PCGF6: variants seen among roughly 807,000 people sequenced by gnomAD.
The protein encoded by PCGF6 is polycomb group RING finger protein 6.
PCGF6 carries 24 observed loss-of-function variants against 45.5 expected under a neutral mutation model. That is an observed-to-expected ratio of 0.53 (90% confidence interval 0.38 to 0.74). PCGF6 has a LOEUF of 0.74. Ranked by LOEUF, PCGF6 falls within the 30% of genes least tolerant of loss-of-function variation. The pLI is 0.00. For missense variants in PCGF6, 356 were observed against 443.2 expected (o/e 0.80, Z 1.77); for synonymous variants, 152 against 162.1 (o/e 0.94, Z 0.47).
Position 103,350,804 on chromosome 10 carries a change from TCTTC to T in PCGF6, c.259_262del (p.Glu87ArgfsTer14), listed in dbSNP as rs1203704083. 1.3e-6 allele frequency: 2 copies of T among 1,553,960 alleles called. No individual in the cohort carries two copies. Among genetic ancestry groups the T allele is most frequent in the Non-Finnish European group, 1.7e-6 (2 of 1,149,236 alleles). On this transcript the variant is annotated frameshift_variant, in exon 1 of 10. Transcript: ENST00000369847. LOFTEE classifies it high-confidence loss of function. ...CTCCTCTTCTTCCTCCTCCAGCTCC[TCTTC>T]TTCTTCCAACTCCTCGTCCTCGTCC...
At chr10:103,345,206 A>G in intron 5 of PCGF6, 74 bp from the exon 6 acceptor site, 1 of 1,017,766 alleles carries the variant, frequency 9.8e-7, no homozygotes, top group Non-Finnish European at 1.5e-6. Context: ...AAAAATACAC[A>G]AGTATTATAA....
chr10:103,318,435 T>G (rs1175297155), intron 8 of PCGF6, among the ~76,000 whole-genome samples: 1 of 126,298 alleles, frequency 7.9e-6, no homozygotes, highest in African/African-American at 3.1e-5. Context: ...AGAGGGAGAC[T>G]CCATCTCAAA....
chr10:103,304,098 A>G (rs1032223921), intron 9 of PCGF6, 137 bp from the exon 10 acceptor site: 38 of 668,708 alleles, frequency 5.7e-5, no homozygotes, highest in Middle Eastern at 5.5e-4. Context: ...AAATAAGTGG[A>G]CCATATAGTT....
chr10:103,324,820 C>CTCTTTTAA (rs1234112362), intron 8 of PCGF6, among the ~76,000 whole-genome samples: 2 of 139,548 alleles, frequency 1.4e-5, no homozygotes, highest in Non-Finnish European at 3.1e-5. Flanking sequence ...AACAGGAGAT[C>CTCTTTTAA]TCTTTTAATC....
At chr10:103,350,110 A>C (rs1213622685) in intron 1 of PCGF6, among the ~76,000 whole-genome samples, 1 of 150,350 alleles carries the variant, frequency 6.7e-6, no homozygotes, top group Non-Finnish European at 1.5e-5. Flanking sequence ...AAACAAAACA[A>C]AAGGATCTTT....
intron 7 of PCGF6, 123 bp from the exon 8 acceptor site, chr10:103,326,755 G>C: frequency 3.4e-6 from 2 of 581,046 alleles, no homozygotes; most frequent in Non-Finnish European, 5.5e-6. Context: ...TGATTCAATA[G>C]ACTCTTGAAA....
intron 6 of PCGF6, among the ~76,000 whole-genome samples, chr10:103,339,810 A>AAAAACACAC (rs1554865094): frequency 5.3e-4 from 17 of 32,222 alleles, no homozygotes; most frequent in Non-Finnish European, 9.1e-4. Flanking sequence ...TCAAAAAAAA[A>AAAAACACAC]ACACACACAC....
At position 103,350,957 on chromosome 10, in the gene PCGF6, GC is replaced by G. The variant is rs1177805614; in HGVS notation, c.109del (p.Ala37HisfsTer65). 4.1e-6 allele frequency: 6 copies of G among 1,469,646 alleles called. No homozygotes were observed. The highest frequency in any genetic ancestry group is 1.4e-5 in the South Asian group (1 of 73,240). 91.0% of individuals were successfully genotyped at this position (1,469,646 alleles called of 1,614,324 possible). On this transcript the variant is annotated frameshift_variant, in exon 1 of 10. Transcript: ENST00000369847. LOFTEE classifies it high-confidence loss of function. ...PPVSPPALTPAPAAGEEGPAP... is the reference protein window; with the variant it reads ...PPVSPPALTPXPAAGEEGPAP... The stretch of plus-strand genomic sequence containing the variant: ...CGGTCCCTCCTCACCCGCTGCGGGT[GC>G]AGGGGTGAGGGCGGGCGGGGAGACA...
At chr10:103,342,959 G>C (rs557289733) in intron 6 of PCGF6, among the ~76,000 whole-genome samples, 2 of 152,098 alleles carry the variant, frequency 1.3e-5, no homozygotes, top group South Asian at 4.1e-4. Context: ...TTGAGACGGA[G>C]TCTCTGCCGC....
chr10:103,311,866 A>G (rs1277569956), intron 9 of PCGF6, among the ~76,000 whole-genome samples: 1 of 151,638 alleles, frequency 6.6e-6, no homozygotes, highest in Non-Finnish European at 1.5e-5. Context: ...AGGTGGGCAG[A>G]TCACTTGAGG....
intron 5 of PCGF6, among the ~76,000 whole-genome samples, chr10:103,346,137 G>A (rs2133599450): frequency 6.6e-6 from 1 of 151,322 alleles, no homozygotes; most frequent in South Asian, 2.1e-4. Flanking sequence ...GGAGGTTGCA[G>A]TGAGCCAAGA....
At chr10:103,328,947 G>A (rs558564856) in intron 7 of PCGF6, among the ~76,000 whole-genome samples, 1 of 151,748 alleles carries the variant, frequency 6.6e-6, no homozygotes, top group South Asian at 2.1e-4. Flanking sequence ...GGGTTTCACT[G>A]TGTTAGCCAG....
chr10:103,321,717 G>C (rs2093198247), intron 8 of PCGF6, among the ~76,000 whole-genome samples: 1 of 151,380 alleles, frequency 6.6e-6, no homozygotes, highest in Admixed American at 6.6e-5. Context: ...CAAAAACAAA[G>C]AAACAAACAA....
At chr10:103,323,570 C>T (rs1035319808) in intron 8 of PCGF6, among the ~76,000 whole-genome samples, 2 of 151,062 alleles carry the variant, frequency 1.3e-5, no homozygotes, top group African/African-American at 4.9e-5. Flanking sequence ...GTTGGGATTA[C>T]AGGTGTGAGC....
At chr10:103,335,157 T>C (rs906127382) in intron 6 of PCGF6, among the ~76,000 whole-genome samples, 5 of 151,316 alleles carry the variant, frequency 3.3e-5, no homozygotes, top group Non-Finnish European at 7.4e-5. Flanking sequence ...AGTGAACTTC[T>C]TGCCTTAGCC....
At chr10:103,333,803 T>C (rs2093247993) in intron 7 of PCGF6, 122 bp downstream of exon 7, 3 of 649,254 alleles carry the variant, frequency 4.6e-6, no homozygotes, top group Non-Finnish European at 7.6e-6. Context: ...TCTATAATAT[T>C]ATTAAATGTA....
chr10:103,318,892 A>G (rs1289827488), intron 8 of PCGF6, among the ~76,000 whole-genome samples: 1 of 152,218 alleles, frequency 6.6e-6, no homozygotes, highest in Non-Finnish European at 1.5e-5. Context: ...CAGCTTTGTA[A>G]GCAGGCCCTT....
Position 103,350,936 on chromosome 10 carries a change from C to T in PCGF6, c.131G>A (p.Gly44Glu). 1 of 1,493,392 alleles carries T rather than the reference C, an allele frequency of 6.7e-7. No individual in the cohort carries two copies. The highest frequency in any genetic ancestry group is 8.9e-7 in the Non-Finnish European group (1 of 1,127,766). 92.5% of individuals were successfully genotyped at this position (1,493,392 alleles called of 1,614,324 possible). Residue 44 changes from glycine to glutamate, a missense_variant, in exon 1 of 10, where the codon GGA becomes GAA. Physicochemically the swap from Gly to Glu is moderately conservative, Grantham distance 98. Transcript: ENST00000369847. The part of the protein sequence containing the change: ...LTPAPAAGEE[G>E]PAPLSETGAP... Reference sequence around the variant, plus strand: ...CCCCGTCTCAGACAGAGGCGCCGGTCCCTCCTCACCCGCTGCGGGTGCAGG... The same window carrying T: ...CCCCGTCTCAGACAGAGGCGCCGGTTCCTCCTCACCCGCTGCGGGTGCAGG...
chr10:103,328,314 G>GTTTGTT (rs2093226877), intron 7 of PCGF6, among the ~76,000 whole-genome samples: 1 of 152,164 alleles, frequency 6.6e-6, no homozygotes, highest in African/African-American at 2.4e-5. Flanking sequence ...CTGTACAGTA[G>GTTTGTT]TTTGTTCTTG....
Sources: gnomAD v4.1 joint callset for allele counts (sites outside exome capture counted in the v4.1 genomes callset) on GRCh38, gnomAD v4.1.1 for gene constraint, MANE v1.5 for transcripts, NCBI Gene and HGNC (gene_info 2026-07-23, HGNC 2026-07-21) for gene names.